Variants in CYB5D2 observed in about 807,000 individuals in gnomAD.
CYB5D2 encodes the protein cytochrome b5 domain containing 2.
CYB5D2 carries 23 observed loss-of-function variants against 22.8 expected under a neutral mutation model. The ratio of observed to expected loss-of-function variants is 1.01; its 90% CI spans 0.73 to 1.43. The LOEUF (loss-of-function observed/expected upper bound fraction) is 1.43. Among genes scored for constraint, CYB5D2 ranks in the 40% most tolerant of loss-of-function variants. The pLI is 0.00. For synonymous variants in CYB5D2, 170 were observed against 152.2 expected (o/e 1.12, Z -0.86); for missense variants, 373 against 357.2 (o/e 1.04, Z -0.36).
Position 4,157,458 on chromosome 17 carries a change from A to C in CYB5D2, c.*376A>C. 1 of 249,176 alleles carries C rather than the reference A, an allele frequency of 4.0e-6. No individual in the cohort carries two copies. Among genetic ancestry groups the C allele is most frequent in the South Asian group, 6.4e-5 (1 of 15,678 alleles). The allele number at this position is 249,176 out of a possible 1,614,324, so 15.4% of individuals were successfully genotyped here. A position where few individuals can be genotyped will look rare whatever the true frequency, so the allele number is the denominator to read the frequency against. ...ATACAGTACGAGGCAATAACAAATTAGTGTGGGTTGATTCTGGAATTGGAA... is the reference window on the plus strand; with the variant it reads ...ATACAGTACGAGGCAATAACAAATTCGTGTGGGTTGATTCTGGAATTGGAA... On this transcript the variant is annotated 3_prime_UTR_variant, in exon 4 of 4. Transcript: ENST00000301391. The surrounding 1 kb of genome is among the most constrained non-coding windows in gnomAD (Gnocchi z 4.4).
intron 3 of CYB5D2, among the ~76,000 whole-genome samples, chr17:4,155,807 T>G (rs2059107508): frequency 6.6e-6 from 1 of 152,232 alleles, no homozygotes; most frequent in Non-Finnish European, 1.5e-5. Flanking sequence ...AGCCTTCCCC[T>G]GTGTCTCCTG....
chr17:4,146,670 C>CT (rs910589594), intron 1 of CYB5D2, among the ~76,000 whole-genome samples: 1 of 151,154 alleles, frequency 6.6e-6, no homozygotes, highest in African/African-American at 2.4e-5. Context: ...GATTACAGGC[C>CT]TGAGCCACCG....
rs753566430 is a variant in CYB5D2, at chr17:4,156,957, G to A, written c.670G>A (p.Gly224Ser). 26 of 1,612,768 alleles carry A rather than the reference G, an allele frequency of 1.6e-5. No homozygotes were observed. Among genetic ancestry groups the A allele is most frequent in the East Asian group, 2.2e-5 (1 of 44,882 alleles). Residue 224 changes from glycine to serine, a missense_variant, in exon 4 of 4, where the codon GGC becomes AGC. Coordinates refer to ENST00000301391, the MANE Select transcript of CYB5D2 (RefSeq NM_144611.4). Reference sequence around the variant, plus strand: ...CCGCTGCGTGTGTGTGAGAACCACCGGCCCCCCTAGTGGCCAGATGCCGGA... The same window carrying A: ...CCGCTGCGTGTGTGTGAGAACCACCAGCCCCCCTAGTGGCCAGATGCCGGA... ...EPRCVCVRTT[G>S]PPSGQMPDNP...
chr17:4,155,916 G>A (rs979854957), intron 3 of CYB5D2, among the ~76,000 whole-genome samples: 7 of 152,330 alleles, frequency 4.6e-5, no homozygotes, highest in African/African-American at 1.7e-4. Context: ...CTATCCCTGT[G>A]CCTCAGCTCA....
intron 1 of CYB5D2, among the ~76,000 whole-genome samples, chr17:4,149,497 G>A (rs1450066914): frequency 6.6e-6 from 1 of 152,228 alleles, no homozygotes; most frequent in East Asian, 1.9e-4. Flanking sequence ...GGCTTGTCAA[G>A]AGACGTTTCT....
At chr17:4,150,969 T>A (rs187278247) in intron 2 of CYB5D2, 1 of 152,392 alleles carries the variant, frequency 6.6e-6, no homozygotes, top group East Asian at 1.9e-4. Flanking sequence ...GGAGTCCTAC[T>A]TGGACATGAC....
intron 1 of CYB5D2, among the ~76,000 whole-genome samples, chr17:4,144,302 G>A (rs2058951578): frequency 6.8e-6 from 1 of 147,476 alleles, no homozygotes; most frequent in African/African-American, 2.5e-5. Context: ...GATACGGGCT[G>A]TGTGCCGGAC....
chr17:4,143,638 C>A lies in CYB5D2; in HGVS notation c.-118C>A. The A allele has an allele frequency of 2.1e-6, 3 of 1,410,430 alleles. No homozygotes were observed. The highest frequency in any genetic ancestry group is 1.4e-5 in the South Asian group (1 of 71,744). The allele number at this position is 1,410,430 out of a possible 1,614,324, so 87.4% of individuals were successfully genotyped here. A position where few individuals can be genotyped will look rare whatever the true frequency, so the allele number is the denominator to read the frequency against. ...CTAAGGGAGGGAGCGCGAGCACTAG[C>A]GCGCGAGAGAGAGAGCGAGAGCGCG... is the stretch of plus-strand genomic sequence containing the variant. On this transcript the variant is annotated 5_prime_UTR_variant, in exon 1 of 4. Transcript: ENST00000301391.
At chr17:4,154,152 G>A (rs368355027) in intron 2 of CYB5D2, among the ~76,000 whole-genome samples, 1 of 152,186 alleles carries the variant, frequency 6.6e-6, no homozygotes, top group East Asian at 1.9e-4. Flanking sequence ...AATTCTGACA[G>A]GCATTTTAAA....
At chr17:4,149,547 A>G (rs771739005) in intron 1 of CYB5D2, among the ~76,000 whole-genome samples, 1 of 151,932 alleles carries the variant, frequency 6.6e-6, no homozygotes, top group Non-Finnish European at 1.5e-5. Flanking sequence ...GCTCACACCT[A>G]TAATCCCAGC....
intron 2 of CYB5D2, chr17:4,150,851 A>G (rs1232615082): frequency 6.6e-6 from 1 of 152,242 alleles, no homozygotes; most frequent in African/African-American, 2.4e-5. Context: ...GCGCTACTGC[A>G]CTCCAGCCTC....
intron 2 of CYB5D2, 58 bp from the exon 3 acceptor site, chr17:4,154,616 A>G (rs1268096491): frequency 6.4e-7 from 1 of 1,562,566 alleles, no homozygotes; most frequent in African/African-American, 1.4e-5. Flanking sequence ...GCCTTCCCAC[A>G]CCTGCCTCAG....
intron 3 of CYB5D2, among the ~76,000 whole-genome samples, chr17:4,155,565 C>T (rs59570425): frequency 4.1e-4 from 63 of 152,334 alleles, no homozygotes; most frequent in African/African-American, 1.4e-3. Context: ...TTTGAAGAGA[C>T]AGCTTCTCCA....
chr17:4,150,165 C>T lies in CYB5D2; in HGVS notation c.391+134C>T, dbSNP rs546865343. The T allele has an allele frequency of 2.9e-4, 352 of 1,197,142 alleles. 5 individuals carry two copies. In the South Asian group the frequency reaches 3.9e-3, roughly 13 times the overall value. 74.2% of individuals were successfully genotyped at this position (1,197,142 alleles called of 1,614,324 possible). On this transcript the variant is annotated intron_variant, in intron 2 of 3. Coordinates refer to ENST00000301391, the MANE Select transcript of CYB5D2 (RefSeq NM_144611.4). ...GATTTGTTTTACTTTAAATTCTGGT[C>T]GTTAGAATAGGGATGAGCCGCCCAG...
chr17:4,151,278 C>T (rs967596582), intron 2 of CYB5D2, among the ~76,000 whole-genome samples: 1 of 152,174 alleles, frequency 6.6e-6, no homozygotes, highest in African/African-American at 2.4e-5. Context: ...CCATCGAAGG[C>T]ACTGACCTCT....
chr17:4,151,230 T>C (rs1245535862), intron 2 of CYB5D2, among the ~76,000 whole-genome samples: 1 of 152,174 alleles, frequency 6.6e-6, no homozygotes. Flanking sequence ...TTTTCTCTCG[T>C]ATGCCCAAGA....
chr17:4,154,335 T>C (rs959805567), intron 2 of CYB5D2, among the ~76,000 whole-genome samples: 13 of 152,178 alleles, frequency 8.5e-5, no homozygotes, highest in African/African-American at 2.9e-4. Flanking sequence ...TCATCAAACA[T>C]TAATTGAATA....
intron 2 of CYB5D2, among the ~76,000 whole-genome samples, chr17:4,150,708 A>G (rs2142994113): frequency 6.6e-6 from 1 of 152,250 alleles, no homozygotes; most frequent in Non-Finnish European, 1.5e-5. Context: ...AACATGGTGA[A>G]ACCCTGTCTC....
At chr17:4,152,641 A>C (rs2142994595) in intron 2 of CYB5D2, among the ~76,000 whole-genome samples, 1 of 152,284 alleles carries the variant, frequency 6.6e-6, no homozygotes, top group East Asian at 1.9e-4. Context: ...CATATAACAC[A>C]GACACCCCAA....
Sources: gnomAD v4.1 joint callset for allele counts (sites outside exome capture counted in the v4.1 genomes callset) on GRCh38, gnomAD v4.1.1 for gene constraint, Gnocchi (gnomAD v3.1) non-coding constraint, MANE v1.5 for transcripts, NCBI Gene and HGNC (gene_info 2026-07-23, HGNC 2026-07-21) for gene names.